PPFIA2: variants seen among roughly 807,000 people sequenced by gnomAD.
PPFIA2 encodes the protein liprin-alpha-2.
PPFIA2 carries 46 observed loss-of-function variants against 175.5 expected under a neutral mutation model. That is an observed-to-expected ratio of 0.26 (90% confidence interval 0.21 to 0.34). The LOEUF (loss-of-function observed/expected upper bound fraction) is 0.34, where lower values mean the gene tolerates loss of function less well. Among genes scored for constraint, PPFIA2 ranks in the 10% least tolerant of loss-of-function variants. The pLI is 1.00. For synonymous variants in PPFIA2, 568 were observed against 511.4 expected, an observed-to-expected ratio of 1.11 and a Z score of -1.49; for missense variants, 1,179 against 1,506.1, an observed-to-expected ratio of 0.78 and a Z score of 3.60.
intron 7 of PPFIA2, chr12:81,425,066 C>A (rs1234375384): frequency 7.2e-5 from 11 of 152,170 alleles, no homozygotes; most frequent in Admixed American, 7.2e-4. Flanking sequence ...TTACTTTAAG[C>A]ATTAGAACCA....
At chr12:81,261,321 A>T (rs1565772811) in intron 32 of PPFIA2, 1 of 151,902 alleles carries the variant, frequency 6.6e-6, no homozygotes, top group African/African-American at 2.4e-5. Context: ...GGTTCAAGTG[A>T]CTCTCTTGCC....
chr12:81,381,002 G>A lies in PPFIA2; in HGVS notation c.984+3021C>T, dbSNP rs61618059. On this transcript the variant is annotated intron_variant, in intron 9 of 32. Coordinates refer to ENST00000549396, the MANE Select transcript of PPFIA2 (RefSeq NM_003625.5). The stretch of plus-strand genomic sequence containing the variant: ...TGTGTGTGTGTGTGTGTGTGTGTGT[G>A]TATACAAAAAAAAAAAAGTGATGCA... 5.0e-5 allele frequency among the ~76,000 whole-genome samples: 5 copies of A among 100,980 alleles called. No homozygotes were observed. The East Asian group carries it at 1.9e-3, about 38-fold the overall frequency. The allele number at this position is 100,980 out of a possible 152,430, so 66.2% of individuals were successfully genotyped here. A position where few individuals can be genotyped will look rare whatever the true frequency, so the allele number is the denominator to read the frequency against.
chr12:81,282,924 T>C (rs368109496), intron 26 of PPFIA2, 86 bp downstream of exon 26: 65 of 1,206,796 alleles, frequency 5.4e-5, no homozygotes, highest in Non-Finnish European at 7.9e-5. Flanking sequence ...AGGTTTACAA[T>C]ATTATGACTT....
intron 4 of PPFIA2, among the ~76,000 whole-genome samples, chr12:81,655,418 A>G (rs1030545267): frequency 6.6e-6 from 1 of 151,546 alleles, no homozygotes; most frequent in Non-Finnish European, 1.5e-5. Flanking sequence ...TTTTTCTAAT[A>G]CATATTTTTA....
chr12:81,538,415 T>A (rs2065719457), intron 4 of PPFIA2, among the ~76,000 whole-genome samples: 1 of 151,832 alleles, frequency 6.6e-6, no homozygotes, highest in Non-Finnish European at 1.5e-5. Flanking sequence ...TAGGTTCTAG[T>A]GCAGATAGAA....
At chr12:81,594,693 T>C (rs983551193) in intron 4 of PPFIA2, among the ~76,000 whole-genome samples, 2 of 152,040 alleles carry the variant, frequency 1.3e-5, no homozygotes, top group Non-Finnish European at 2.9e-5. Context: ...TGTTGGAGGA[T>C]TGCTTGAGCC....
chr12:81,508,596 T>A (rs1048687988), intron 4 of PPFIA2, among the ~76,000 whole-genome samples: 1 of 151,688 alleles, frequency 6.6e-6, no homozygotes, highest in Non-Finnish European at 1.5e-5. Flanking sequence ...CTTTCTTTTT[T>A]TTTCTCTCTT....
intron 4 of PPFIA2, among the ~76,000 whole-genome samples, chr12:81,532,871 C>G (rs1453064274): frequency 2.6e-5 from 4 of 151,690 alleles, no homozygotes; most frequent in Admixed American, 6.6e-5. Context: ...TTGCATTTCC[C>G]CTCTCAACAT....
At position 81,503,329 on chromosome 12, in the gene PPFIA2, C is replaced by CA. The variant is rs1250647041; in HGVS notation, c.304-45464dup. Among the ~76,000 whole-genome samples the CA allele has an allele frequency of 1.2e-4, 18 of 151,660 alleles. No homozygotes were observed. The South Asian group carries it at 1.9e-3, about 16-fold the overall frequency. ...TCCAGATCTGCTCATCCACGCTGTCCAAAAAAACAAAACAAAAAACAAACA... is the reference window on the plus strand; with the variant it reads ...TCCAGATCTGCTCATCCACGCTGTCCAAAAAAAACAAAACAAAAAACAAACA... On this transcript the variant is annotated intron_variant, in intron 4 of 32. Coordinates refer to ENST00000549396, the MANE Select transcript of PPFIA2 (RefSeq NM_003625.5).
chr12:81,278,433 C>T (rs4842389), intron 27 of PPFIA2, among the ~76,000 whole-genome samples: 65,390 of 151,144 alleles, frequency 0.43, 14,990 homozygotes, highest in Non-Finnish European at 0.52. Flanking sequence ...CCCAGCTACT[C>T]GGGAGGCTGA....
intron 16 of PPFIA2, 24 bp from the exon 17 acceptor site, chr12:81,353,363 A>T: frequency 6.6e-7 from 1 of 1,510,672 alleles, no homozygotes; most frequent in Non-Finnish European, 9.2e-7. Flanking sequence ...GAAAAAATGC[A>T]GAATATTTAT....
chr12:81,457,845 C>A lies in PPFIA2; in HGVS notation c.325G>T (p.Glu109Ter). The A allele has an allele frequency of 6.2e-7, 1 of 1,604,364 alleles. No individual in the cohort carries two copies. Among genetic ancestry groups the A allele is most frequent in the Non-Finnish European group, 8.5e-7 (1 of 1,175,624 alleles). ...DPPEFAALTK[E>*]LNACREQLLE... ...AGTTGTTCCCTGCAGGCATTTAATT[C>A]TTTTGTCAGTGCAGCAAATTCCTGG... The change falls in exon 5 of 33, where the codon GAA becomes TAA. Residue 109 changes from glutamate (E) to a stop codon, truncating the protein, a stop_gained. Transcript: ENST00000549396. LOFTEE classifies it high-confidence loss of function.
intron 16 of PPFIA2, among the ~76,000 whole-genome samples, chr12:81,357,709 T>C (rs1210953714): frequency 6.6e-6 from 1 of 152,106 alleles, no homozygotes; most frequent in African/African-American, 2.4e-5. Context: ...AGCATAATAG[T>C]TAATATTACA....
At chr12:81,633,427 G>A (rs944675225) in intron 4 of PPFIA2, among the ~76,000 whole-genome samples, 21 of 151,952 alleles carry the variant, frequency 1.4e-4, no homozygotes, top group African/African-American at 4.3e-4. Flanking sequence ...TTTAGTTGCT[G>A]GCAATGTTCT....
intron 3 of PPFIA2, among the ~76,000 whole-genome samples, chr12:81,716,725 C>G (rs1325050089): frequency 1.3e-5 from 2 of 151,690 alleles, no homozygotes; most frequent in Non-Finnish European, 2.9e-5. Context: ...TTCTTGGAAG[C>G]TTTTGTTACA....
At chr12:81,621,391 T>C (rs536719071) in intron 4 of PPFIA2, among the ~76,000 whole-genome samples, 5 of 152,326 alleles carry the variant, frequency 3.3e-5, no homozygotes, top group South Asian at 2.1e-4. Context: ...TAATTGGACA[T>C]TGATTTTTAT....
intron 3 of PPFIA2, among the ~76,000 whole-genome samples, chr12:81,730,177 T>C (rs1436093837): frequency 6.6e-6 from 1 of 151,464 alleles, no homozygotes; most frequent in Non-Finnish European, 1.5e-5. Flanking sequence ...ATAGAGAAAG[T>C]TCTACACATT....
At chr12:81,275,508 A>G (rs918407326) in intron 28 of PPFIA2, among the ~76,000 whole-genome samples, 17 of 151,692 alleles carry the variant, frequency 1.1e-4, no homozygotes, top group Admixed American at 1.1e-3. Context: ...AAAAAATCTT[A>G]AGAATAAAAC....
intron 7 of PPFIA2, chr12:81,429,864 G>A (rs2047780727): frequency 6.6e-6 from 1 of 152,060 alleles, no homozygotes; most frequent in African/African-American, 2.4e-5. Flanking sequence ...GTAACTTAAT[G>A]AGAACCTCAT....
Sources: gnomAD v4.1 joint callset for allele counts (sites outside exome capture counted in the v4.1 genomes callset) on GRCh38, gnomAD v4.1.1 for gene constraint, MANE v1.5 for transcripts, NCBI Gene and HGNC (gene_info 2026-07-23, HGNC 2026-07-21) for gene names.